KCNU1: variants seen among roughly 807,000 people sequenced by gnomAD.
The protein encoded by KCNU1 is potassium calcium-activated channel subfamily U member 1, also known as potassium channel subfamily U member 1.
In KCNU1, 93 loss-of-function variants were observed where a neutral mutation model predicts 126.8. The ratio of observed to expected loss-of-function variants is 0.73; its 90% confidence interval spans 0.62 to 0.87. The LOEUF is 0.87. Among genes scored for constraint, KCNU1 ranks in the 40% least tolerant of loss-of-function variants. The pLI is 0.00. For synonymous variants in KCNU1, 523 were observed against 494.2 expected, an observed-to-expected ratio of 1.06 and a Z score of -0.77; for missense variants, 1,330 against 1,367.1, an observed-to-expected ratio of 0.97 and a Z score of 0.43.
intron 18 of KCNU1, among the ~76,000 whole-genome samples, chr8:36,861,418 A>T (rs191668219): frequency 7.2e-5 from 11 of 152,246 alleles, no homozygotes; most frequent in South Asian, 2.1e-4. Flanking sequence ...GTCTCCTTTC[A>T]TGCCAATCCA....
chr8:36,854,101 A>G (rs1356925288), intron 18 of KCNU1, among the ~76,000 whole-genome samples: 2 of 152,090 alleles, frequency 1.3e-5, no homozygotes, highest in African/African-American at 2.4e-5. Flanking sequence ...TTGATTGGTC[A>G]TCCTTTCTAC....
At chr8:36,792,328 G>T (rs775527149) in intron 2 of KCNU1, among the ~76,000 whole-genome samples, 1 of 152,102 alleles carries the variant, frequency 6.6e-6, no homozygotes, top group Non-Finnish European at 1.5e-5. Context: ...TTGAAATAAT[G>T]TGTTACTTCT....
At chr8:36,812,943 G>A (rs1803776798) in intron 7 of KCNU1, among the ~76,000 whole-genome samples, 1 of 152,196 alleles carries the variant, frequency 6.6e-6, no homozygotes, top group Non-Finnish European at 1.5e-5. Context: ...ATGTTGTGCA[G>A]GGATAATATT....
chr8:36,800,153 A>G (rs933901275), intron 2 of KCNU1, among the ~76,000 whole-genome samples: 6 of 152,088 alleles, frequency 3.9e-5, no homozygotes, highest in African/African-American at 1.4e-4. Flanking sequence ...CATTCCATAT[A>G]CTTTCTTTGC....
At chr8:36,805,879 TGTC>T in intron 4 of KCNU1, among the ~76,000 whole-genome samples, 1 of 152,286 alleles carries the variant, frequency 6.6e-6, no homozygotes. Flanking sequence ...GGTCTTGCTT[TGTC>T]ACCTAGGCTG....
intron 21 of KCNU1, among the ~76,000 whole-genome samples, chr8:36,909,833 T>C (rs1807795475): frequency 1.3e-5 from 2 of 152,216 alleles, no homozygotes; most frequent in Non-Finnish European, 2.9e-5. Context: ...AATGCTCGAA[T>C]CACCATGTTT....
chr8:36,913,937 G>A (rs531509782), intron 22 of KCNU1, among the ~76,000 whole-genome samples: 1 of 152,042 alleles, frequency 6.6e-6, no homozygotes, highest in South Asian at 2.1e-4. Context: ...GAGGCAACCT[G>A]TGAATAGCAA....
At chr8:36,891,130 C>T (rs1179983487) in intron 19 of KCNU1, among the ~76,000 whole-genome samples, 1 of 150,302 alleles carries the variant, frequency 6.7e-6, no homozygotes, top group Non-Finnish European at 1.5e-5. Context: ...ACCATTACTG[C>T]CTTATTTTAT....
In KCNU1 at chr8:36,805,284, G is replaced by C; in HGVS notation, c.467G>C (p.Arg156Thr). The C allele has an allele frequency of 6.4e-7, 1 of 1,569,930 alleles. No homozygotes were observed. The highest frequency in any genetic ancestry group is 8.7e-7 in the Non-Finnish European group (1 of 1,146,976). The change falls in exon 4 of 27, where the codon AGG becomes ACG. Residue 156 changes from arginine to threonine, a missense_variant and splice_region_variant. Transcript: ENST00000399881. ...TTCTTTAGTTTCTATTTTGGATTGAGGGTAAGTACCTATTGAAAGTGGGAG... is the reference window on the plus strand; with the variant it reads ...TTCTTTAGTTTCTATTTTGGATTGACGGTAAGTACCTATTGAAAGTGGGAG... ...NAFFSFYFGL[R>T]FMAADDKIKF...
rs1008283607 is a variant in KCNU1, at chr8:36,884,776, G to GA, written c.2009+20265dup. The stretch of plus-strand genomic sequence containing the variant: ...AATAAAAAATAAAAATAAAAACCAG[G>GA]AAAAAAAAAAGAAAGAAAACCAAGC... On this transcript the variant is annotated intron_variant, in intron 19 of 26. Coordinates refer to ENST00000399881, the MANE Select transcript of KCNU1 (RefSeq NM_001031836.3). Among the ~76,000 whole-genome samples the GA allele has an allele frequency of 6.8e-3, 1,003 of 147,476 alleles. 10 individuals carry two copies. Among genetic ancestry groups the GA allele is most frequent in the African/African-American group, 0.016 (658 of 40,278 alleles).
chr8:36,909,617 G>A, intron 21 of KCNU1, 82 bp downstream of exon 21: 2 of 833,258 alleles, frequency 2.4e-6, no homozygotes, highest in South Asian at 1.6e-5. Flanking sequence ...TAATATTGCA[G>A]TTCTACAGTC....
At chr8:36,886,581 G>A (rs1285966457) in intron 19 of KCNU1, among the ~76,000 whole-genome samples, 1 of 152,170 alleles carries the variant, frequency 6.6e-6, no homozygotes, top group Non-Finnish European at 1.5e-5. Context: ...GTATTCAACA[G>A]GTTACAGGAA....
At chr8:36,838,476 A>C (rs1804834355) in intron 14 of KCNU1, among the ~76,000 whole-genome samples, 1 of 152,122 alleles carries the variant, frequency 6.6e-6, no homozygotes, top group South Asian at 2.1e-4. Context: ...GGGTCACTCG[A>C]GCTCAGGAGT....
rs376566912 is a variant in KCNU1 at position 36,784,516 on chromosome 8, T to G, written c.106T>G (p.Phe36Val). 5.0e-6 allele frequency: 8 copies of G among 1,613,796 alleles called. No individual in the cohort carries two copies. The highest frequency in any genetic ancestry group is 5.9e-6 in the Non-Finnish European group (7 of 1,179,786). The change falls in exon 1 of 27, where the codon TTC becomes GTC. Residue 36 changes from phenylalanine (F) to valine (V), a missense_variant. Phe to Val is a conservative substitution (Grantham distance 50, BLOSUM62 -1). Coordinates refer to ENST00000399881, the MANE Select transcript of KCNU1 (RefSeq NM_001031836.3). ...AFILSSFVTF[F>V]SGLIILLIFR... ...CATTCTCTCTTCCTTTGTGACCTTCTTCAGTGGACTCATCATCCTGTTGAT... is the reference window on the plus strand; with the variant it reads ...CATTCTCTCTTCCTTTGTGACCTTCGTCAGTGGACTCATCATCCTGTTGAT...
intron 19 of KCNU1, among the ~76,000 whole-genome samples, chr8:36,897,474 C>T (rs901270052): frequency 6.6e-6 from 1 of 151,960 alleles, no homozygotes; most frequent in Non-Finnish European, 1.5e-5. Context: ...GTCTTAGCTT[C>T]AAGGAATCCA....
chr8:36,922,530 A>G lies in KCNU1; in HGVS notation c.2637A>G (p.Gly879=). 1 of 1,613,558 alleles carries G rather than the reference A, an allele frequency of 6.2e-7. No homozygotes were observed. The highest frequency in any genetic ancestry group is 1.3e-5 in the African/African-American group (1 of 75,000). Residue 879 remains glycine (G), a synonymous_variant, in exon 24 of 27, where the codon GGA becomes GGG. Coordinates refer to ENST00000399881, the MANE Select transcript of KCNU1 (RefSeq NM_001031836.3). ...TTCACTTTATTGAACAGCTTGGTGGACTGGAAGGGTCCCTCCAAGAAACAA... is the reference window on the plus strand; with the variant it reads ...TTCACTTTATTGAACAGCTTGGTGGGCTGGAAGGGTCCCTCCAAGAAACAA... ...SNIHFIEQLG[G]LEGSLQETNL...
intron 19 of KCNU1, among the ~76,000 whole-genome samples, chr8:36,890,871 A>G (rs989559826): frequency 1.3e-5 from 2 of 150,804 alleles, no homozygotes; most frequent in African/African-American, 2.5e-5. Flanking sequence ...TAGTATAGCC[A>G]CTACAGTTCT....
rs146540436 is a variant in KCNU1 at position 36,902,382 on chromosome 8, C to T, written c.2010-3326C>T. On this transcript the variant is annotated intron_variant, in intron 19 of 26. Coordinates refer to ENST00000399881, the MANE Select transcript of KCNU1 (RefSeq NM_001031836.3). ...TTAAATTTGCCAATAGGGCATTTAA[C>T]TACCAGACCAAAGACTCTTCATTTA... Among the ~76,000 whole-genome samples the T allele has an allele frequency of 6.4e-4, 97 of 152,182 alleles. 1 individual carries two copies. Among genetic ancestry groups the T allele is most frequent in the African/African-American group, 2.1e-3 (87 of 41,546 alleles).
At chr8:36,799,599 A>G (rs1803231159) in intron 2 of KCNU1, among the ~76,000 whole-genome samples, 1 of 151,470 alleles carries the variant, frequency 6.6e-6, no homozygotes, top group Non-Finnish European at 1.5e-5. Context: ...CAGTGGTGCA[A>G]TCTCGGCTCT....
Sources: allele counts gnomAD v4.1 joint callset (sites outside exome capture counted in the v4.1 genomes callset), GRCh38; gene constraint gnomAD v4.1.1; transcripts MANE v1.5; gene names NCBI Gene and HGNC (gene_info 2026-07-23, HGNC 2026-07-21).